The following ACOXL variants were observed in gnomAD, a reference collection of about 807,000 sequenced individuals.
The protein encoded by ACOXL is acyl-CoA oxidase like.
In ACOXL, 70 loss-of-function variants were observed where a neutral mutation model predicts 71.9. The observed-to-expected ratio is 0.97, with a 90% CI of 0.80 to 1.19. The LOEUF (loss-of-function observed/expected upper bound fraction) is 1.19, where lower values mean the gene tolerates loss of function less well. Ranked by LOEUF, ACOXL falls within the 50% of genes most tolerant of loss-of-function variation. The pLI, the probability that ACOXL is intolerant of heterozygous loss-of-function variation, is 0.00. For missense variants in ACOXL, 703 were observed against 736.3 expected, an observed-to-expected ratio of 0.95 and a Z score of 0.52; for synonymous variants, 253 against 281.6, an observed-to-expected ratio of 0.90 and a Z score of 1.02.
chr2:110,780,483 T>G (rs1211495033), intron 2 of ACOXL, among the ~76,000 whole-genome samples: 3 of 152,158 alleles, frequency 2.0e-5, no homozygotes, highest in Non-Finnish European at 4.4e-5. Context: ...CCAAAAAGGT[T>G]TGTACACAAA....
chr2:110,753,452 G>A (rs925271026), intron 1 of ACOXL, among the ~76,000 whole-genome samples: 4 of 152,202 alleles, frequency 2.6e-5, no homozygotes, highest in Non-Finnish European at 5.9e-5. Flanking sequence ...CTACTTGAGT[G>A]TCCTCACATC....
At chr2:110,940,761 C>T (rs962632558) in intron 12 of ACOXL, among the ~76,000 whole-genome samples, 1 of 152,112 alleles carries the variant, frequency 6.6e-6, no homozygotes, top group Non-Finnish European at 1.5e-5. Flanking sequence ...TAGGAAATCA[C>T]GAGAAAGTCT....
chr2:110,750,492 G>A (rs1042548031), intron 1 of ACOXL, among the ~76,000 whole-genome samples: 2 of 151,384 alleles, frequency 1.3e-5, no homozygotes, highest in African/African-American at 4.8e-5. Context: ...ACCAACTTTT[G>A]TGCACAAAGT....
At chr2:110,783,523 G>T (rs1683581277) in intron 2 of ACOXL, among the ~76,000 whole-genome samples, 1 of 152,154 alleles carries the variant, frequency 6.6e-6, no homozygotes, top group Non-Finnish European at 1.5e-5. Flanking sequence ...GAGTGTGTTT[G>T]GGGTGAGAGC....
chr2:110,804,188 T>C (rs1686345747), intron 8 of ACOXL, among the ~76,000 whole-genome samples: 2 of 152,074 alleles, frequency 1.3e-5, no homozygotes, highest in Non-Finnish European at 2.9e-5. Flanking sequence ...GGTTTTGCCA[T>C]GTTGACCAGG....
chr2:111,084,340 G>T (rs562976171), intron 16 of ACOXL, among the ~76,000 whole-genome samples: 22 of 149,866 alleles, frequency 1.5e-4, no homozygotes, highest in African/African-American at 4.9e-4. Context: ...GGAGACATTT[G>T]TCCAAATATA....
chr2:110,926,852 C>T (rs2060289542), intron 11 of ACOXL, among the ~76,000 whole-genome samples: 2 of 152,128 alleles, frequency 1.3e-5, no homozygotes, highest in Admixed American at 1.3e-4. Flanking sequence ...TTCAAATCCA[C>T]TCTCCAGGAA....
chr2:110,963,643 G>T (rs139505303), intron 12 of ACOXL: 8 of 1,610,682 alleles, frequency 5.0e-6, no homozygotes, highest in African/African-American at 1.3e-5. Flanking sequence ...ATGGAAAATC[G>T]AATCTCAGGC....
intron 10 of ACOXL, among the ~76,000 whole-genome samples, chr2:110,882,385 C>T (rs550810220): frequency 6.6e-6 from 1 of 152,228 alleles, no homozygotes; most frequent in East Asian, 1.9e-4. Context: ...TCAGATATGC[C>T]TTTTGCAAAT....
intron 14 of ACOXL, among the ~76,000 whole-genome samples, chr2:111,023,946 C>T (rs1198251957): frequency 2.0e-5 from 3 of 152,180 alleles, no homozygotes; most frequent in Admixed American, 2.0e-4. Flanking sequence ...AGTGAACTGC[C>T]ACCTCAGGCC....
rs545677560 is a variant in ACOXL at position 110,820,450 on chromosome 2, A to G, written c.753+15055A>G. ...ACAGAAAGTCTGAAGAGAGGAGGAG[A>G]TACAGAGGAAATTTCAAGCAGGTGC... On this transcript the variant is annotated intron_variant, in intron 9 of 17. Coordinates refer to ENST00000439055, the MANE Select transcript of ACOXL (RefSeq NM_001142807.4). 6.6e-5 allele frequency among the ~76,000 whole-genome samples: 10 copies of G among 152,044 alleles called. No individual in the cohort carries two copies. The East Asian group carries it at 1.9e-3, about 29-fold the overall frequency.
chr2:110,790,883 T>G (rs1450114394), intron 3 of ACOXL, among the ~76,000 whole-genome samples: 1 of 152,218 alleles, frequency 6.6e-6, no homozygotes, highest in Non-Finnish European at 1.5e-5. Flanking sequence ...TCTTGGAAAC[T>G]CAGGCCACAC....
At chr2:110,793,515 G>A (rs552849295) in intron 3 of ACOXL, 135 bp from the exon 4 acceptor site, 7 of 755,066 alleles carry the variant, frequency 9.3e-6, no homozygotes, top group South Asian at 7.9e-5. Flanking sequence ...GGGCAAAGAA[G>A]CATGCCACTT....
chr2:110,906,066 A>C (rs2059429963), intron 10 of ACOXL, among the ~76,000 whole-genome samples: 1 of 152,204 alleles, frequency 6.6e-6, no homozygotes, highest in Non-Finnish European at 1.5e-5. Flanking sequence ...GGTCGGGGTC[A>C]GATCTGGCAT....
intron 10 of ACOXL, among the ~76,000 whole-genome samples, chr2:110,876,084 C>T (rs148899661): frequency 5.5e-4 from 84 of 152,306 alleles, no homozygotes; most frequent in African/African-American, 1.9e-3. Flanking sequence ...ACTGACTGCA[C>T]GGTACTTTAT....
At chr2:111,042,022 G>A (rs144103605) in intron 15 of ACOXL, among the ~76,000 whole-genome samples, 16 of 152,344 alleles carry the variant, frequency 1.1e-4, no homozygotes, top group Middle Eastern at 3.4e-3. Context: ...ACGGCAGGCA[G>A]GTTGGGCTCC....
chr2:110,898,411 T>A (rs2059101246), intron 10 of ACOXL, among the ~76,000 whole-genome samples: 1 of 152,230 alleles, frequency 6.6e-6, no homozygotes, highest in Admixed American at 6.5e-5. Flanking sequence ...TGTGATTTAT[T>A]CCAGAGATGG....
chr2:110,769,394 C>A (rs1681574031), intron 2 of ACOXL, among the ~76,000 whole-genome samples: 1 of 152,032 alleles, frequency 6.6e-6, no homozygotes, highest in Non-Finnish European at 1.5e-5. Context: ...CATCTGTAAT[C>A]CCAGTACTTT....
At chr2:110,925,002 C>T in intron 11 of ACOXL, among the ~76,000 whole-genome samples, 1 of 152,166 alleles carries the variant, frequency 6.6e-6, no homozygotes, top group Middle Eastern at 3.2e-3. Context: ...CCTTGTACAT[C>T]TCCCTCAGAG....
Sources: allele counts gnomAD v4.1 joint callset (sites outside exome capture counted in the v4.1 genomes callset), GRCh38; gene constraint gnomAD v4.1.1; transcripts MANE v1.5; gene names NCBI Gene and HGNC (gene_info 2026-07-23, HGNC 2026-07-21).